The following KCNMA1 variants were observed in gnomAD, a reference collection of about 807,000 sequenced individuals.
KCNMA1 encodes the protein Calcium-activated potassium channel subunit alpha-1.
In KCNMA1, 29 loss-of-function variants were observed where a neutral mutation model predicts 140.0. That is an observed-to-expected ratio of 0.21 (90% CI 0.15 to 0.28). KCNMA1 has a LOEUF of 0.28. KCNMA1 is among the 10% of genes least tolerant of loss of function. The pLI is 1.00. For synonymous variants in KCNMA1, 612 were observed against 611.9 expected, an observed-to-expected ratio of 1.00 and a Z score of 0.00; for missense variants, 880 against 1,602.2, an observed-to-expected ratio of 0.55 and a Z score of 7.70.
intron 18 of KCNMA1, among the ~76,000 whole-genome samples, chr10:77,005,192 G>A (rs1318832518): frequency 6.6e-6 from 1 of 152,122 alleles, no homozygotes; most frequent in Non-Finnish European, 1.5e-5. Context: ...TTCTCCAAAA[G>A]GAGCAGAAAG....
intron 25 of KCNMA1, chr10:76,904,099 C>T (rs1347382199): frequency 1.3e-5 from 2 of 152,202 alleles, no homozygotes; most frequent in Non-Finnish European, 2.9e-5. Flanking sequence ...TACGTATCTG[C>T]TCTGTGAAAG....
chr10:77,091,159 A>G (rs561123876), intron 9 of KCNMA1: 1 of 154,036 alleles, frequency 6.5e-6, no homozygotes, highest in Admixed American at 6.4e-5. Context: ...TGGGATGCCT[A>G]TGGAATGGAA....
intron 1 of KCNMA1, among the ~76,000 whole-genome samples, chr10:77,434,602 G>A (rs1038526791): frequency 1.3e-5 from 2 of 152,146 alleles, no homozygotes; most frequent in Admixed American, 6.5e-5. Context: ...CAGGACCCCC[G>A]AACCCAGAAC....
intron 3 of KCNMA1, among the ~76,000 whole-genome samples, chr10:77,242,850 C>T (rs1422040303): frequency 6.6e-6 from 1 of 151,190 alleles, no homozygotes; most frequent in Non-Finnish European, 1.5e-5. Flanking sequence ...GCCAATTCCC[C>T]CATGCTCTTC....
chr10:77,637,456 CG>C lies in KCNMA1; in HGVS notation c.186del (p.His62GlnfsTer12). On this transcript the variant is annotated frameshift_variant, in exon 1 of 28. Transcript: ENST00000286628. LOFTEE classifies it high-confidence loss of function. Reference protein sequence around the residue: ...SSSSSSSSSVHEPKMDALIIP... With the variant: ...SSSSSSSSSVXEPKMDALIIP... ...ATGATGAGCGCATCCATCTTGGGCT[CG>C]TGGACCGAGGACGAGGAGGAAGAGG... The C allele has an allele frequency of 6.2e-7, 1 of 1,612,606 alleles. No individual in the cohort carries two copies. The highest frequency in any genetic ancestry group is 8.5e-7 in the Non-Finnish European group (1 of 1,179,432).
intron 2 of KCNMA1, among the ~76,000 whole-genome samples, chr10:77,252,852 C>T (rs933732021): frequency 6.6e-6 from 1 of 151,936 alleles, no homozygotes; most frequent in African/African-American, 2.4e-5. Context: ...AAACAATACA[C>T]CACTGAGGTT....
In KCNMA1 at chr10:76,885,124, G is replaced by A. The variant is rs1177853846; in HGVS notation, c.*2142C>T. 6.8e-7 allele frequency: 1 copy of A among 1,468,480 alleles called. No individual in the cohort carries two copies. The highest frequency in any genetic ancestry group is 1.4e-5 in the African/African-American group (1 of 70,118). 91.0% of individuals were successfully genotyped at this position (1,468,480 alleles called of 1,614,324 possible). On this transcript the variant is annotated 3_prime_UTR_variant, in exon 28 of 28. Transcript: ENST00000286628. ...ATTCTTATAGTTATAAATGTTCTGA[G>A]GGCGTAACTTTATAACCTCCTTTGC...
At chr10:77,419,390 C>T (rs932082447) in intron 1 of KCNMA1, among the ~76,000 whole-genome samples, 5 of 152,040 alleles carry the variant, frequency 3.3e-5, no homozygotes, top group East Asian at 1.9e-4. Context: ...GGAGCAGATC[C>T]GGAAGAAAGG....
intron 1 of KCNMA1, among the ~76,000 whole-genome samples, chr10:77,431,683 A>T (rs2097156194): frequency 1.3e-4 from 3 of 22,652 alleles, no homozygotes; most frequent in African/African-American, 2.3e-4. Context: ...GTCTGTTGTA[A>T]AAAAAAAAAA....
chr10:77,025,281 T>TATATATATATATATATATAC (rs1394239548), intron 16 of KCNMA1, among the ~76,000 whole-genome samples: 4 of 122,318 alleles, frequency 3.3e-5, no homozygotes, highest in Non-Finnish European at 7.0e-5. Flanking sequence ...TATATATATA[T>TATATATATATATATATATAC]ACACACACAC....
chr10:76,923,322 G>A (rs546270472), intron 23 of KCNMA1, among the ~76,000 whole-genome samples: 3 of 152,048 alleles, frequency 2.0e-5, no homozygotes, highest in South Asian at 2.1e-4. Flanking sequence ...CCAGCTATTC[G>A]GGAGGCTGAG....
intron 1 of KCNMA1, among the ~76,000 whole-genome samples, chr10:77,440,144 A>G (rs1005442797): frequency 6.6e-6 from 1 of 152,150 alleles, no homozygotes; most frequent in Non-Finnish European, 1.5e-5. Context: ...CGCCACACCA[A>G]AGGAAAAAAA....
chr10:77,587,689 G>T, intron 1 of KCNMA1: 1 of 985,298 alleles, frequency 1.0e-6, no homozygotes, highest in Non-Finnish European at 1.2e-6. Context: ...GTACACATCA[G>T]ATCTGCTCCC....
At chr10:77,454,525 A>T (rs1388937422) in intron 1 of KCNMA1, among the ~76,000 whole-genome samples, 3 of 152,172 alleles carry the variant, frequency 2.0e-5, no homozygotes, top group East Asian at 1.9e-4. Flanking sequence ...TATCTTTAGC[A>T]GTTTTCACCA....
chr10:77,201,948 T>C (rs1024639897), intron 3 of KCNMA1, among the ~76,000 whole-genome samples: 1 of 152,222 alleles, frequency 6.6e-6, no homozygotes, highest in African/African-American at 2.4e-5. Context: ...TATAGCACTA[T>C]CATGGGGAAA....
intron 9 of KCNMA1, among the ~76,000 whole-genome samples, chr10:77,100,060 T>C (rs2097058857): frequency 6.6e-6 from 1 of 152,216 alleles, no homozygotes; most frequent in Non-Finnish European, 1.5e-5. Context: ...AAAAAGAGCA[T>C]TTCACTGGGA....
chr10:77,165,671 G>A (rs555101709), intron 5 of KCNMA1, among the ~76,000 whole-genome samples: 1 of 152,246 alleles, frequency 6.6e-6, no homozygotes, highest in South Asian at 2.1e-4. Context: ...GGTTTTCTGC[G>A]GGGAGTTGTT....
chr10:77,306,226 G>C (rs945007084), intron 2 of KCNMA1, among the ~76,000 whole-genome samples: 1 of 152,216 alleles, frequency 6.6e-6, no homozygotes, highest in African/African-American at 2.4e-5. Context: ...GACCTTGCAA[G>C]GGTCCCTGAA....
intron 3 of KCNMA1, among the ~76,000 whole-genome samples, chr10:77,186,405 T>C (rs2098851898): frequency 6.6e-6 from 1 of 152,094 alleles, no homozygotes; most frequent in Non-Finnish European, 1.5e-5. Context: ...TGCCAGGTTT[T>C]CACTAAGGTA....
Sources: gnomAD v4.1 joint callset for allele counts (sites outside exome capture counted in the v4.1 genomes callset) on GRCh38, gnomAD v4.1.1 for gene constraint, MANE v1.5 for transcripts, NCBI Gene and HGNC (gene_info 2026-07-23, HGNC 2026-07-21) for gene names.